C10orf88: variants seen among roughly 807,000 people sequenced by gnomAD.
C10orf88 encodes ATPase PAAT.
C10orf88 carries 29 observed loss-of-function variants against 34.2 expected under a neutral mutation model. The ratio of observed to expected loss-of-function variants is 0.85; its 90% CI spans 0.63 to 1.16. The LOEUF is 1.16. Among genes scored for constraint, C10orf88 ranks in the 50% most tolerant of loss-of-function variants. The pLI, the probability that C10orf88 is intolerant of heterozygous loss-of-function variation, is 0.00. For synonymous variants in C10orf88, 194 were observed against 197.4 expected (o/e 0.98, Z 0.15); for missense variants, 507 against 533.2 (o/e 0.95, Z 0.48).
At chr10:122,946,444 C>T (rs889029228) in intron 4 of C10orf88, among the ~76,000 whole-genome samples, 8 of 152,048 alleles carry the variant, frequency 5.3e-5, no homozygotes, top group Non-Finnish European at 7.4e-5. Flanking sequence ...AACCTAGGTA[C>T]GTAGTAGGCT....
intron 4 of C10orf88, among the ~76,000 whole-genome samples, chr10:122,944,539 AAG>A (rs566161616): frequency 9.2e-5 from 14 of 152,296 alleles, no homozygotes; most frequent in African/African-American, 2.6e-4. Flanking sequence ...AATTAAAAAA[AAG>A]AGTTATTATC....
rs200017877 is a variant in C10orf88 at position 122,954,203 on chromosome 10, C to G, written c.-25G>C. On this transcript the variant is annotated 5_prime_UTR_variant, in exon 1 of 6. Coordinates refer to ENST00000481909, the MANE Select transcript of C10orf88 (RefSeq NM_024942.4). Reference sequence around the variant, plus strand: ...TTCCGCCGCCTTCAGTCAGGCCAGCCCAGCCCCGGAACCTCTCTTCCAGTG... The same window carrying G: ...TTCCGCCGCCTTCAGTCAGGCCAGCGCAGCCCCGGAACCTCTCTTCCAGTG... 4 of 1,523,908 alleles carry G rather than the reference C, an allele frequency of 2.6e-6. No homozygotes were observed. Among genetic ancestry groups the G allele is most frequent in the Admixed American group, 2.1e-5 (1 of 46,894 alleles). The allele number at this position is 1,523,908 out of a possible 1,614,324, so 94.4% of individuals were successfully genotyped here. A position where few individuals can be genotyped will look rare whatever the true frequency, so the allele number is the denominator to read the frequency against.
At chr10:122,938,708 T>C (rs1195001912) in intron 4 of C10orf88, among the ~76,000 whole-genome samples, 1 of 152,040 alleles carries the variant, frequency 6.6e-6, no homozygotes, top group Admixed American at 6.6e-5. Context: ...TGGGTACATT[T>C]GTGACATTTT....
At position 122,938,119 on chromosome 10, in the gene C10orf88, C is replaced by G. The variant is rs1226886713; in HGVS notation, c.689G>C (p.Gly230Ala). The part of the protein sequence containing the change: ...PIGEQLQSVL[G>A]NSGYKHMIGL... ...AATCATATGCTTGTATCCAGAATTG[C>G]CCAACACCGACTGAAGCTGCTCTCC... is the stretch of plus-strand genomic sequence containing the variant. The change falls in exon 5 of 6, where the codon GGC (glycine) becomes GCC (alanine). Residue 230 changes from glycine (G) to alanine (A), a missense_variant. Coordinates refer to ENST00000481909, the MANE Select transcript of C10orf88 (RefSeq NM_024942.4). The G allele has an allele frequency of 6.2e-6, 10 of 1,609,206 alleles. No individual in the cohort carries two copies. Among genetic ancestry groups the G allele is most frequent in the Non-Finnish European group, 7.6e-6 (9 of 1,177,082 alleles).
Position 122,932,420 on chromosome 10 carries a change from T to C in C10orf88, c.*7A>G, listed in dbSNP as rs762992525. 10 of 1,600,548 alleles carry C rather than the reference T, an allele frequency of 6.2e-6. No individual in the cohort carries two copies. The Admixed American group carries it at 1.7e-4, about 27-fold the overall frequency. On this transcript the variant is annotated 3_prime_UTR_variant, in exon 6 of 6. Coordinates refer to ENST00000481909, the MANE Select transcript of C10orf88 (RefSeq NM_024942.4). ...AATATCTGCAGTACACTGTTTATGT[T>C]GAGAGCTTATCTTTCTCCATTTGAA...
chr10:122,948,132 G>C (rs186112510), intron 4 of C10orf88, among the ~76,000 whole-genome samples: 1 of 152,136 alleles, frequency 6.6e-6, no homozygotes, highest in Non-Finnish European at 1.5e-5. Context: ...TTTTGCTTCA[G>C]AGAAATGAAC....
rs1848487606 is a variant in C10orf88, at chr10:122,931,965, A to C, written c.*462T>G. The C allele has an allele frequency of 6.5e-6, 1 of 152,972 alleles. No individual in the cohort carries two copies. The highest frequency in any genetic ancestry group is 1.5e-5 in the Non-Finnish European group (1 of 68,288). 9.5% of individuals were successfully genotyped at this position (152,972 alleles called of 1,614,324 possible). ...CTCACACAAGCAATACAAAATGTAA[A>C]CTGGTAATCTGAAGTAAAGGCTCCA... On this transcript the variant is annotated 3_prime_UTR_variant, in exon 6 of 6. Coordinates refer to ENST00000481909, the MANE Select transcript of C10orf88 (RefSeq NM_024942.4).
intron 3 of C10orf88, 113 bp downstream of exon 3, chr10:122,951,841 A>G: frequency 2.9e-6 from 2 of 697,592 alleles, no homozygotes; most frequent in South Asian, 3.3e-5. Context: ...AAAAGAAAAA[A>G]AAAAGCAAGC....
chr10:122,943,832 T>C (rs1214816029), intron 4 of C10orf88, among the ~76,000 whole-genome samples: 1 of 152,140 alleles, frequency 6.6e-6, no homozygotes, highest in African/African-American at 2.4e-5. Flanking sequence ...GAGATACCAT[T>C]TCACACCAGT....
rs747469218 is a variant in C10orf88, at chr10:122,938,043, T to C, written c.765A>G (p.Thr255=). ...TCAATCCAGTTCTAAAAGGAAAAGGTGTGGAGGACGACTTGTTTAAGGTTC... is the reference window on the plus strand; with the variant it reads ...TCAATCCAGTTCTAAAAGGAAAAGGCGTGGAGGACGACTTGTTTAAGGTTC... ...TLGTLNKSSS[T]PFPFRTGLTS... Residue 255 remains threonine, a synonymous_variant, in exon 5 of 6, where the codon ACA becomes ACG. Coordinates refer to ENST00000481909, the MANE Select transcript of C10orf88 (RefSeq NM_024942.4). 1.9e-6 allele frequency: 3 copies of C among 1,613,322 alleles called. No homozygotes were observed. The South Asian group carries it at 3.3e-5, about 18-fold the overall frequency.
intron 5 of C10orf88, 65 bp downstream of exon 5, chr10:122,937,640 G>C: frequency 7.2e-7 from 1 of 1,382,228 alleles, no homozygotes; most frequent in Non-Finnish European, 9.8e-7. Context: ...AGACAAATCT[G>C]TTTCCTTTCA....
At chr10:122,933,527 T>A in intron 5 of C10orf88, 1 of 152,198 alleles carries the variant, frequency 6.6e-6, no homozygotes, top group East Asian at 1.9e-4. Context: ...ATGATTCTTT[T>A]GGGAATTCAC....
At chr10:122,950,254 A>C (rs540477537) in intron 3 of C10orf88, among the ~76,000 whole-genome samples, 2 of 152,370 alleles carry the variant, frequency 1.3e-5, no homozygotes, top group Admixed American at 6.5e-5. Context: ...TTATATGTTA[A>C]AATTTCCAGT....
chr10:122,943,811 A>G (rs982440307), intron 4 of C10orf88, among the ~76,000 whole-genome samples: 62 of 152,252 alleles, frequency 4.1e-4, no homozygotes, highest in African/African-American at 1.5e-3. Context: ...AACGCAAATC[A>G]AAACCACAAT....
In C10orf88 at chr10:122,946,105, A is replaced by T. The variant is rs751852883; in HGVS notation, c.648+2544T>A. On this transcript the variant is annotated intron_variant, in intron 4 of 5. Transcript: ENST00000481909. ...AGGAAGACTCTGTCGCAAAAAATAA[A>T]AAAAAAAAAGTTACAATAAGCTAAG... 4.6e-5 allele frequency among the ~76,000 whole-genome samples: 7 copies of T among 152,246 alleles called. 1 individual carries two copies. Among genetic ancestry groups the T allele is most frequent in the South Asian group, 4.2e-4 (2 of 4,812 alleles).
At chr10:122,946,564 G>C (rs1451341176) in intron 4 of C10orf88, among the ~76,000 whole-genome samples, 1 of 152,080 alleles carries the variant, frequency 6.6e-6, no homozygotes, top group African/African-American at 2.4e-5. Flanking sequence ...ATGCATGACT[G>C]TGTATAATAC....
At chr10:122,944,300 T>G (rs1441032222) in intron 4 of C10orf88, among the ~76,000 whole-genome samples, 8 of 145,952 alleles carry the variant, frequency 5.5e-5, no homozygotes, top group Non-Finnish European at 1.0e-4. Context: ...CCGCATATTC[T>G]CACTCATAGG....
Position 122,932,455 on chromosome 10 carries a change from C to G in C10orf88, c.1310G>C (p.Gly437Ala). Residue 437 changes from glycine (G) to alanine (A), a missense_variant, in exon 6 of 6, where the codon GGA becomes GCA. Coordinates refer to ENST00000481909, the MANE Select transcript of C10orf88 (RefSeq NM_024942.4). The part of the protein sequence containing the change: ...TGIPLRHYDS[G>A]ERLSNGER ...TCTTTCTCCATTTGAAAGTCTTTCT[C>G]CAGAGTCATAATGTCTTAGAGGTAT... 1 of 1,613,392 alleles carries G rather than the reference C, an allele frequency of 6.2e-7. No individual in the cohort carries two copies. The highest frequency in any genetic ancestry group is 8.5e-7 in the Non-Finnish European group (1 of 1,179,560).
intron 5 of C10orf88, chr10:122,933,446 G>A (rs1355349103): frequency 6.6e-6 from 1 of 152,182 alleles, no homozygotes; most frequent in Non-Finnish European, 1.5e-5. Context: ...CTCCAGCCTG[G>A]GTGATAAGAC....
Sources: allele counts gnomAD v4.1 joint callset (sites outside exome capture counted in the v4.1 genomes callset), GRCh38; gene constraint gnomAD v4.1.1; transcripts MANE v1.5; gene names NCBI Gene and HGNC (gene_info 2026-07-23, HGNC 2026-07-21).